Variants in EPM2A observed in about 807,000 individuals in gnomAD.
The protein encoded by EPM2A is EPM2A glucan phosphatase, laforin, also known as laforin.
A neutral mutation model predicts 26.5 loss-of-function variants in EPM2A; 21 were observed. That is an observed-to-expected ratio of 0.79 (90% CI 0.56 to 1.14). The LOEUF is 1.14. EPM2A is among the 50% of genes most tolerant of loss of function. EPM2A has a pLI of 0.00. For missense variants in EPM2A, 458 were observed against 440.8 expected (o/e 1.04, Z -0.35); for synonymous variants, 217 against 177.6 (o/e 1.22, Z -1.76).
chr6:145,716,614 T>A (rs1775639698), intron 1 of EPM2A, among the ~76,000 whole-genome samples: 1 of 152,098 alleles, frequency 6.6e-6, no homozygotes, highest in African/African-American at 2.4e-5. Context: ...CTCCTGCAGC[T>A]GCCATTCCCA....
At chr6:145,497,602 G>A (rs1779837931), downstream of EPM2A, among the ~76,000 whole-genome samples, 1 of 47,422 alleles carries the variant, frequency 2.1e-5, no homozygotes, top group African/African-American at 6.9e-5. Context: ...TTCCGTCTGT[G>A]GTAAGCCTGG....
intron 2 of EPM2A, among the ~76,000 whole-genome samples, chr6:145,569,056 G>C (rs1178472907): frequency 6.6e-6 from 1 of 152,326 alleles, no homozygotes; most frequent in South Asian, 2.1e-4. Flanking sequence ...TTGTTGAAAT[G>C]CTGTTCAGGA....
chr6:145,678,994 C>G (rs1780287487), intron 2 of EPM2A, among the ~76,000 whole-genome samples: 1 of 152,122 alleles, frequency 6.6e-6, no homozygotes, highest in South Asian at 2.1e-4. Context: ...AGACTTGGAA[C>G]CAACCCAAAT....
At chr6:145,678,573 T>A (rs1362558708) in intron 2 of EPM2A, among the ~76,000 whole-genome samples, 1 of 151,818 alleles carries the variant, frequency 6.6e-6, no homozygotes, top group Non-Finnish European at 1.5e-5. Flanking sequence ...AACAACCCCA[T>A]CAAAAAGTGG....
intron 2 of EPM2A, among the ~76,000 whole-genome samples, chr6:145,674,652 C>T (rs1191468084): frequency 6.6e-6 from 1 of 152,006 alleles, no homozygotes; most frequent in Non-Finnish European, 1.5e-5. Context: ...GCACAAGCTT[C>T]TGTAGCCAAT....
At chr6:145,493,309 A>G (rs1176321983) in intron 4 of EPM2A, among the ~76,000 whole-genome samples, 1 of 152,156 alleles carries the variant, frequency 6.6e-6, no homozygotes, top group Non-Finnish European at 1.5e-5. Flanking sequence ...TGGTGTATTG[A>G]AAGGTAGCAA....
chr6:145,467,949 G>A (rs531179522), intron 4 of EPM2A, among the ~76,000 whole-genome samples: 74 of 151,754 alleles, frequency 4.9e-4, no homozygotes, highest in African/African-American at 1.7e-3. Context: ...AGTTTTAATA[G>A]TTTTTTTCAG....
chr6:145,592,568 A>G (rs1781289335), intron 2 of EPM2A, among the ~76,000 whole-genome samples: 1 of 151,960 alleles, frequency 6.6e-6, no homozygotes, highest in Middle Eastern at 3.2e-3. Context: ...TAGTTCTACA[A>G]TGGTTGAACT....
intron 2 of EPM2A, among the ~76,000 whole-genome samples, chr6:145,544,009 A>G (rs1248489657): frequency 6.6e-6 from 1 of 152,204 alleles, no homozygotes. Context: ...TTTGGTGACA[A>G]AAATTGATGA....
At chr6:145,573,390 A>T (rs778300837) in intron 2 of EPM2A, among the ~76,000 whole-genome samples, 1 of 152,222 alleles carries the variant, frequency 6.6e-6, no homozygotes, top group African/African-American at 2.4e-5. Flanking sequence ...GTACCAGGAG[A>T]TGTGTTAATT....
intron 4 of EPM2A, among the ~76,000 whole-genome samples, chr6:145,460,048 C>T (rs1779310060): frequency 6.6e-6 from 1 of 151,920 alleles, no homozygotes; most frequent in African/African-American, 2.4e-5. Flanking sequence ...ATTCTAGTAA[C>T]AAAAATAGAC....
intron 2 of EPM2A, among the ~76,000 whole-genome samples, chr6:145,507,406 AAGGTGTGTGGG>A (rs1484100826): frequency 2.0e-5 from 3 of 152,174 alleles, no homozygotes; most frequent in Non-Finnish European, 4.4e-5. Flanking sequence ...TTCAGCTGAA[AAGGTGTGTGGG>A]AGGGGCAGTC....
intron 4 of EPM2A, among the ~76,000 whole-genome samples, chr6:145,410,823 A>G (rs1582734148): frequency 6.6e-6 from 1 of 152,302 alleles, no homozygotes; most frequent in Non-Finnish European, 1.5e-5. Flanking sequence ...CAGTATCTTC[A>G]TTTGCAGCCC....
chr6:145,706,276 T>C (rs1782218049), intron 1 of EPM2A, among the ~76,000 whole-genome samples: 1 of 152,168 alleles, frequency 6.6e-6, no homozygotes, highest in South Asian at 2.1e-4. Context: ...AGGTGGTGTG[T>C]CAGAGCCTGA....
chr6:145,722,558 T>C (rs900333995), intron 1 of EPM2A, among the ~76,000 whole-genome samples: 1 of 152,160 alleles, frequency 6.6e-6, no homozygotes, highest in South Asian at 2.1e-4. Context: ...TAATGTGGTA[T>C]GGAAGGGAAT....
At chr6:145,414,637 G>C (rs1778684079) in intron 4 of EPM2A, among the ~76,000 whole-genome samples, 1 of 152,160 alleles carries the variant, frequency 6.6e-6, no homozygotes. Context: ...CTAAGGCAGA[G>C]AGTCCTGTGT....
In EPM2A at chr6:145,627,503, G is replaced by C. The variant is rs1357312237; in HGVS notation, c.909C>G (p.Val303=). 1.9e-6 allele frequency: 3 copies of C among 1,614,124 alleles called. No individual in the cohort carries two copies. The highest frequency in any genetic ancestry group is 2.7e-5 in the African/African-American group (2 of 74,954). ...GGGCCAAGGCCTCTTCGTCAATGTA[G>C]ACAGCCGGCCTCTTGGCCATGAGGA... ...QYFLMAKRPA[V]YIDEEALARA... Residue 303 remains valine, a synonymous_variant, in exon 4 of 4, where the codon GTC becomes GTG. Transcript: ENST00000367519.
intron 2 of EPM2A, among the ~76,000 whole-genome samples, chr6:145,642,040 T>C (rs1582949743): frequency 1.3e-5 from 2 of 152,256 alleles, no homozygotes; most frequent in Admixed American, 1.3e-4. Context: ...TTTTTGAGCA[T>C]ATATAGCCCT....
At chr6:145,404,663 A>G (rs866341223) in intron 4 of EPM2A, among the ~76,000 whole-genome samples, 1 of 152,100 alleles carries the variant, frequency 6.6e-6, no homozygotes, top group Non-Finnish European at 1.5e-5. Flanking sequence ...TCTTCATTAT[A>G]TGGTAAAATA....
Sources: allele counts gnomAD v4.1 joint callset (sites outside exome capture counted in the v4.1 genomes callset), GRCh38; gene constraint gnomAD v4.1.1; transcripts MANE v1.5; gene names NCBI Gene and HGNC (gene_info 2026-07-23, HGNC 2026-07-21).